The following LIMS1 variants were observed in gnomAD, a reference collection of about 807,000 sequenced individuals.
LIMS1 encodes LIM and senescent cell antigen-like-containing domain protein 1.
In LIMS1, 18 loss-of-function variants were observed where a neutral mutation model predicts 44.1. The ratio of observed to expected loss-of-function variants is 0.41; its 90% CI spans 0.28 to 0.61. LIMS1 has a LOEUF of 0.61. Among genes scored for constraint, LIMS1 ranks in the 20% least tolerant of loss-of-function variants. LIMS1 has a pLI of 0.32. For synonymous variants in LIMS1, 93 were observed against 149.1 expected (o/e 0.62, Z 2.74); for missense variants, 201 against 422.0 (o/e 0.48, Z 4.59).
exon 1 of LIMS1, chr2:108,534,387 C>T (rs1224378522): frequency 2.7e-5 from 8 of 291,698 alleles, no homozygotes; most frequent in Non-Finnish European, 4.8e-5. Context: ...CCTTCCCGCG[C>T]GGCCCGCCTC....
intron 1 of LIMS1, among the ~76,000 whole-genome samples, chr2:108,642,612 G>C (rs1689778481): frequency 6.6e-6 from 1 of 152,016 alleles, no homozygotes; most frequent in Admixed American, 6.5e-5. Flanking sequence ...GCCCGCCTCG[G>C]CCTCCCAAAG....
At chr2:108,633,128 TCC>T (rs1689024195) in intron 1 of LIMS1, among the ~76,000 whole-genome samples, 2 of 152,250 alleles carry the variant, frequency 1.3e-5, no homozygotes, top group Admixed American at 1.3e-4. Context: ...TTTGAATTAT[TCC>T]TGCTCTTCTG....
chr2:108,621,079 A>G (rs984375748), intron 1 of LIMS1, among the ~76,000 whole-genome samples: 3 of 152,186 alleles, frequency 2.0e-5, no homozygotes, highest in Non-Finnish European at 4.4e-5. Flanking sequence ...AATTTTGCTT[A>G]TTAATAAACA....
intron 1 of LIMS1, among the ~76,000 whole-genome samples, chr2:108,569,154 G>A (rs1685395657): frequency 6.6e-6 from 1 of 152,178 alleles, no homozygotes; most frequent in South Asian, 2.1e-4. Context: ...TCCTCCCAAA[G>A]TGCTGGGATT....
intron 1 of LIMS1, among the ~76,000 whole-genome samples, chr2:108,583,724 T>C: frequency 9.4e-6 from 1 of 106,832 alleles, no homozygotes. Flanking sequence ...TGAGATGGAG[T>C]CTTACTCTCG....
At chr2:108,605,723 T>G (rs759315576) in intron 1 of LIMS1, among the ~76,000 whole-genome samples, 1 of 152,168 alleles carries the variant, frequency 6.6e-6, no homozygotes, top group Non-Finnish European at 1.5e-5. Context: ...ATAACCAAGT[T>G]CATTTTATCT....
At chr2:108,565,514 G>C (rs555221279) in intron 1 of LIMS1, among the ~76,000 whole-genome samples, 183 of 152,276 alleles carry the variant, frequency 1.2e-3, no homozygotes, top group African/African-American at 4.1e-3. Flanking sequence ...GAATGAACTT[G>C]TTTAAAAGGT....
intron 1 of LIMS1, among the ~76,000 whole-genome samples, chr2:108,555,042 A>G (rs1349806839): frequency 2.0e-5 from 3 of 152,174 alleles, no homozygotes; most frequent in African/African-American, 7.2e-5. Context: ...CTTTCCTAAT[A>G]ACGAGATGCA....
chr2:108,600,330 C>T, intron 1 of LIMS1, among the ~76,000 whole-genome samples: 1 of 151,876 alleles, frequency 6.6e-6, no homozygotes, highest in Non-Finnish European at 1.5e-5. Context: ...GGATTACAGG[C>T]ATGAGCCACC....
At chr2:108,579,872 G>C (rs1468737726) in intron 1 of LIMS1, among the ~76,000 whole-genome samples, 1 of 152,202 alleles carries the variant, frequency 6.6e-6, no homozygotes, top group African/African-American at 2.4e-5. Flanking sequence ...GTGTGAATGG[G>C]AATCATCCCA....
At chr2:108,582,432 CTG>C (rs1685921663) in intron 1 of LIMS1, among the ~76,000 whole-genome samples, 1 of 152,170 alleles carries the variant, frequency 6.6e-6, no homozygotes, top group African/African-American at 2.4e-5. Flanking sequence ...TAGAACCTAA[CTG>C]TGTTTAGGTT....
intron 1 of LIMS1, among the ~76,000 whole-genome samples, chr2:108,549,297 T>C (rs1368394033): frequency 8.0e-6 from 1 of 124,852 alleles, no homozygotes; most frequent in African/African-American, 3.1e-5. Flanking sequence ...TTTTTTTTTT[T>C]TTTTTTTTTT....
Position 108,571,373 on chromosome 2 carries a change from G to T in LIMS1, c.32+36779G>T, listed in dbSNP as rs369702822. On this transcript the variant is annotated intron_variant, in intron 1 of 9. Transcript: ENST00000544547. ...GCATCTGACATGTAAATAGCAAGAG[G>T]CTCCATGAAAATGACTCTGTTAGTC... is the stretch of plus-strand genomic sequence containing the variant. 1.3e-3 allele frequency among the ~76,000 whole-genome samples: 191 copies of T among 152,284 alleles called. 1 individual carries two copies. In the Middle Eastern group the frequency reaches 0.014, roughly 11 times the overall value.
At chr2:108,552,263 C>T (rs1343000865) in intron 1 of LIMS1, among the ~76,000 whole-genome samples, 19 of 133,464 alleles carry the variant, frequency 1.4e-4, no homozygotes, top group African/African-American at 4.6e-4. Flanking sequence ...ATATACTACA[C>T]GTATAGTATA....
chr2:108,684,116 T>C, exon 10 of LIMS1: 1 of 532,244 alleles, frequency 1.9e-6, no homozygotes, highest in Non-Finnish European at 3.4e-6. Context: ...CCTATATGAA[T>C]GGTTTTATGT....
At position 108,555,071 on chromosome 2, in the gene LIMS1, C is replaced by T. The variant is rs1573319491; in HGVS notation, c.32+20477C>T. On this transcript the variant is annotated intron_variant, in intron 1 of 9. Transcript: ENST00000544547. The stretch of plus-strand genomic sequence containing the variant: ...AGATGCACATTTTCTTCGGTTACTT[C>T]CCCTTCACCCTTAGCCATGAGAATC... Among the ~76,000 whole-genome samples, 3 of 152,318 alleles carry T rather than the reference C, an allele frequency of 2.0e-5. No individual in the cohort carries two copies. In the South Asian group the frequency reaches 6.2e-4, roughly 32 times the overall value.
intron 1 of LIMS1, among the ~76,000 whole-genome samples, chr2:108,540,386 G>A (rs957424349): frequency 1.4e-4 from 21 of 151,962 alleles, no homozygotes; most frequent in African/African-American, 5.1e-4. Context: ...TTTTAGTAAA[G>A]ACGGAGTTTC....
At chr2:108,676,483 C>A in intron 6 of LIMS1, 123 bp from the exon 7 acceptor site, 3 of 1,210,868 alleles carry the variant, frequency 2.5e-6, no homozygotes, top group Non-Finnish European at 3.4e-6. Context: ...CCACCTATGG[C>A]CAAATGAAAT....
chr2:108,605,317 T>A (rs960581147), intron 1 of LIMS1, among the ~76,000 whole-genome samples: 9 of 152,196 alleles, frequency 5.9e-5, no homozygotes, highest in Non-Finnish European at 1.3e-4. Flanking sequence ...GGTGTTGTTA[T>A]AAGCTCGGTT....
Sources: allele counts gnomAD v4.1 joint callset (sites outside exome capture counted in the v4.1 genomes callset), GRCh38; gene constraint gnomAD v4.1.1; transcripts MANE v1.5; gene names NCBI Gene and HGNC (gene_info 2026-07-23, HGNC 2026-07-21).